Variants in PLSCR2 observed in about 807,000 individuals in gnomAD.
The protein encoded by PLSCR2 is phospholipid scramblase 2.
In PLSCR2, 18 loss-of-function variants were observed where a neutral mutation model predicts 25.3. That is an observed-to-expected ratio of 0.71 (90% confidence interval 0.49 to 1.06). The LOEUF is 1.06. Among genes scored for constraint, PLSCR2 ranks in the 50% least tolerant of loss-of-function variants. The pLI is 0.00. For missense variants in PLSCR2, 243 were observed against 269.5 expected (o/e 0.90, Z 0.69); for synonymous variants, 88 against 87.3 (o/e 1.01, Z -0.04).
upstream of PLSCR2, among the ~76,000 whole-genome samples, chr3:146,460,913 G>A (rs955246842): frequency 2.8e-4 from 43 of 152,058 alleles, no homozygotes; most frequent in African/African-American, 9.6e-4. Context: ...ATGATATTGC[G>A]GTTACAAAAT....
chr3:146,482,315 C>T (rs1400226454), intron 1 of PLSCR2, among the ~76,000 whole-genome samples: 3 of 151,942 alleles, frequency 2.0e-5, no homozygotes, highest in Non-Finnish European at 2.9e-5. Context: ...AAAATTTTTG[C>T]AATCTACCCA....
chr3:146,404,083 T>C (rs191337637), intron 2 of PLSCR2, among the ~76,000 whole-genome samples: 20 of 152,268 alleles, frequency 1.3e-4, no homozygotes, highest in African/African-American at 4.8e-4. Context: ...GTTCTGACCC[T>C]AGCCAATAGA....
At chr3:146,477,475 C>T (rs375469794) in intron 1 of PLSCR2, among the ~76,000 whole-genome samples, 6 of 152,224 alleles carry the variant, frequency 3.9e-5, no homozygotes, top group Non-Finnish European at 8.8e-5. Flanking sequence ...TGGAGCCTTG[C>T]TCACTGCTAG....
chr3:146,398,799 C>A (rs532612271), intron 2 of PLSCR2: 2 of 152,244 alleles, frequency 1.3e-5, no homozygotes, highest in South Asian at 4.1e-4. Context: ...AATTGTTTCA[C>A]CTGGTGGAGC....
chr3:146,403,729 A>C (rs1039090544), intron 2 of PLSCR2, among the ~76,000 whole-genome samples: 3 of 152,090 alleles, frequency 2.0e-5, no homozygotes, highest in Non-Finnish European at 4.4e-5. Flanking sequence ...TGAATAATTT[A>C]TTTAAAAACC....
chr3:146,449,972 G>A (rs1029126594), intron 5 of PLSCR2, among the ~76,000 whole-genome samples: 4 of 152,100 alleles, frequency 2.6e-5, no homozygotes, highest in African/African-American at 9.7e-5. Context: ...AACTAGTGGG[G>A]TGTGAAGAAT....
chr3:146,485,344 A>G lies in PLSCR2; in HGVS notation c.-293+10551T>C, dbSNP rs142105024. Among the ~76,000 whole-genome samples the G allele has an allele frequency of 7.5e-3, 1,147 of 152,230 alleles. 49 individuals carry two copies. Among genetic ancestry groups the G allele is most frequent in the Admixed American group, 0.068 (1,034 of 15,278 alleles). On this transcript the variant is annotated intron_variant, in intron 1 of 8. Coordinates refer to the PLSCR2 transcript ENST00000336685. ...AAAGAGACTTAGACTCCCACATAATAATAGTGGGAGACTTTAACAACCTAC... is the reference window on the plus strand; with the variant it reads ...AAAGAGACTTAGACTCCCACATAATGATAGTGGGAGACTTTAACAACCTAC...
At chr3:146,469,548 G>T (rs990160082) in intron 1 of PLSCR2, 2 of 985,312 alleles carry the variant, frequency 2.0e-6, no homozygotes, top group South Asian at 4.7e-5. Flanking sequence ...TCCTAGCGTG[G>T]CTTCCTCCCG....
At chr3:146,480,375 A>G (rs2043086625) in intron 1 of PLSCR2, among the ~76,000 whole-genome samples, 1 of 152,202 alleles carries the variant, frequency 6.6e-6, no homozygotes, top group Admixed American at 6.5e-5. Context: ...GAAGAATCAA[A>G]CAGACGCAAT....
chr3:146,441,661 G>T (rs1169374168), downstream of PLSCR2: 4 of 640,236 alleles, frequency 6.2e-6, no homozygotes, highest in Non-Finnish European at 1.1e-5. Context: ...ACTCACACAG[G>T]TGTAAGTAAT....
intron 1 of PLSCR2, among the ~76,000 whole-genome samples, chr3:146,478,696 C>G (rs1274008900): frequency 1.3e-5 from 2 of 152,122 alleles, no homozygotes; most frequent in Non-Finnish European, 2.9e-5. Flanking sequence ...GAGAACTTCC[C>G]CAACCTAGCA....
chr3:146,454,404 C>A (rs1275357992), intron 4 of PLSCR2, among the ~76,000 whole-genome samples: 1 of 152,034 alleles, frequency 6.6e-6, no homozygotes, highest in Non-Finnish European at 1.5e-5. Flanking sequence ...TTATACCTAA[C>A]CTAAATGGCA....
chr3:146,396,103 A>T (rs2038263856), intron 2 of PLSCR2, among the ~76,000 whole-genome samples: 1 of 152,198 alleles, frequency 6.6e-6, no homozygotes, highest in Admixed American at 6.5e-5. Context: ...ATTCCTATCT[A>T]AAAGTAGATT....
At chr3:146,486,029 A>G (rs2043327579) in intron 1 of PLSCR2, among the ~76,000 whole-genome samples, 1 of 152,160 alleles carries the variant, frequency 6.6e-6, no homozygotes, top group South Asian at 2.1e-4. Context: ...TATGGGTGCT[A>G]CAAGATGAGA....
At chr3:146,429,770 C>T (rs558499293), downstream of PLSCR2, among the ~76,000 whole-genome samples, 245 of 152,010 alleles carry the variant, frequency 1.6e-3, no homozygotes, top group African/African-American at 4.6e-3. Flanking sequence ...GGACTATAGG[C>T]GCCCGCCACC....
At chr3:146,417,306 TG>T (rs1198958106) in intron 2 of PLSCR2, among the ~76,000 whole-genome samples, 1 of 152,152 alleles carries the variant, frequency 6.6e-6, no homozygotes, top group Admixed American at 6.5e-5. Flanking sequence ...AAATATTGTG[TG>T]AACTACTCTC....
At chr3:146,393,712 G>C (rs769187475) in intron 3 of PLSCR2, among the ~76,000 whole-genome samples, 4 of 151,344 alleles carry the variant, frequency 2.6e-5, no homozygotes, top group Non-Finnish European at 4.4e-5. Context: ...GGGAGGCTGA[G>C]GCAGGAGAAT....
At chr3:146,415,070 C>T (rs1036332901) in intron 2 of PLSCR2, 4 of 152,554 alleles carry the variant, frequency 2.6e-5, no homozygotes, top group Non-Finnish European at 2.9e-5. Context: ...GATCTAACTA[C>T]AACAAAACAA....
chr3:146,447,557 G>A (rs554445254), intron 6 of PLSCR2, among the ~76,000 whole-genome samples: 1 of 152,230 alleles, frequency 6.6e-6, no homozygotes, highest in East Asian at 1.9e-4. Flanking sequence ...ACTGTAGGGG[G>A]GTGGTATACA....
Sources: allele counts gnomAD v4.1 joint callset (sites outside exome capture counted in the v4.1 genomes callset), GRCh38; gene constraint gnomAD v4.1.1; transcripts MANE v1.5; gene names NCBI Gene and HGNC (gene_info 2026-07-23, HGNC 2026-07-21).